DDX19A: variants seen among roughly 807,000 people sequenced by gnomAD.
The protein encoded by DDX19A is ATP-dependent RNA helicase DDX19A.
A neutral mutation model predicts 60.6 loss-of-function variants in DDX19A; 12 were observed. That is an observed-to-expected ratio of 0.20 (90% CI 0.13 to 0.32). DDX19A has a LOEUF of 0.32. Ranked by LOEUF, DDX19A falls within the 10% of genes least tolerant of loss-of-function variation. DDX19A has a pLI of 1.00. For synonymous variants in DDX19A, 206 were observed against 218.2 expected (o/e 0.94, Z 0.49); for missense variants, 337 against 600.6 (o/e 0.56, Z 4.59).
intron 5 of DDX19A, among the ~76,000 whole-genome samples, chr16:70,362,340 CAAAAA>C (rs566741768): frequency 2.2e-5 from 1 of 46,398 alleles, no homozygotes; most frequent in African/African-American, 7.5e-5. Flanking sequence ...GACTCTGTCT[CAAAAA>C]AAAAAAAAAA....
At chr16:70,365,948 C>A in intron 7 of DDX19A, 137 bp from the exon 8 acceptor site, 2 of 1,338,464 alleles carry the variant, frequency 1.5e-6, no homozygotes, top group South Asian at 2.6e-5. Context: ...GAGACCAAGA[C>A]TGAGGGGAAC....
intron 3 of DDX19A, chr16:70,355,790 C>T (rs1964167506): frequency 1.7e-6 from 1 of 576,106 alleles, no homozygotes; most frequent in African/African-American, 1.9e-5. Context: ...ACTGAGACCC[C>T]ATCTCTACAA....
chr16:70,365,808 G>C, intron 7 of DDX19A: 1 of 512,978 alleles, frequency 1.9e-6, no homozygotes, highest in South Asian at 2.1e-5. Flanking sequence ...AACATAAAAA[G>C]AGTTGGATGA....
intron 5 of DDX19A, among the ~76,000 whole-genome samples, chr16:70,362,109 AG>A (rs1392485540): frequency 1.3e-5 from 2 of 150,434 alleles, no homozygotes; most frequent in Non-Finnish European, 3.0e-5. Flanking sequence ...CGGGAGGCAG[AG>A]GTTGCAGTGA....
At position 70,362,736 on chromosome 16, in the gene DDX19A, C is replaced by A. The variant is rs543186564; in HGVS notation, c.386+1226C>A. ...GGGACTATAGGCATGTGCCACCATG[C>A]CCAGCTGACTTTAAAAAAACTTTTT... is the stretch of plus-strand genomic sequence containing the variant. On this transcript the variant is annotated intron_variant, in intron 5 of 11. Coordinates refer to ENST00000302243, the MANE Select transcript of DDX19A (RefSeq NM_018332.5). 2.8e-4 allele frequency among the ~76,000 whole-genome samples: 43 copies of A among 152,178 alleles called. 1 individual carries two copies. In the South Asian group the frequency reaches 8.7e-3, roughly 31 times the overall value.
chr16:70,347,107 A>C, intron 1 of DDX19A, 59 bp downstream of exon 1: 1 of 1,541,978 alleles, frequency 6.5e-7, no homozygotes, highest in Non-Finnish European at 8.8e-7. Context: ...AAACCTCCCA[A>C]AAGCACAGGG....
chr16:70,354,840 T>G (rs1964133092), intron 2 of DDX19A, among the ~76,000 whole-genome samples: 1 of 152,006 alleles, frequency 6.6e-6, no homozygotes, highest in Admixed American at 6.6e-5. Context: ...TGCTAGCTAC[T>G]CAGGAGGTTA....
intron 2 of DDX19A, among the ~76,000 whole-genome samples, chr16:70,352,261 A>G (rs893498559): frequency 5.9e-5 from 9 of 151,612 alleles, no homozygotes; most frequent in South Asian, 2.1e-4. Context: ...TTCCATATCA[A>G]TACATGCAGT....
intron 4 of DDX19A, chr16:70,360,809 TGG>T: frequency 6.5e-6 from 1 of 152,934 alleles, no homozygotes; most frequent in Non-Finnish European, 1.5e-5. Flanking sequence ...TGGAGTGCAG[TGG>T]CTCAGTCACA....
At chr16:70,364,273 T>C (rs369950995) in intron 5 of DDX19A, 90 of 371,862 alleles carry the variant, frequency 2.4e-4, no homozygotes, top group African/African-American at 1.6e-3. Context: ...CCCCTTGGGG[T>C]GCAAAACTGG....
chr16:70,366,189 G>A lies in DDX19A; in HGVS notation c.709G>A (p.Val237Met), dbSNP rs138660103. ...LKFIDPKKIK[V>M]FVLDEADVMI... ...GTTCATTGATCCCAAGAAAATCAAGGTGTTTGTTCTGGATGAGGCTGATGT... is the reference window on the plus strand; with the variant it reads ...GTTCATTGATCCCAAGAAAATCAAGATGTTTGTTCTGGATGAGGCTGATGT... The change falls in exon 8 of 12, where the codon GTG becomes ATG. Residue 237 changes from valine to methionine, a missense_variant. Val to Met is a conservative substitution (Grantham distance 21). Around this residue, in one of 6 missense-constraint regions of DDX19A, gnomAD observed 117 missense variants for 274.3 expected, o/e 0.43. Transcript: ENST00000302243. 4 of 1,614,112 alleles carry A rather than the reference G, an allele frequency of 2.5e-6. No individual in the cohort carries two copies. The highest frequency in any genetic ancestry group is 3.4e-6 in the Non-Finnish European group (4 of 1,180,026).
chr16:70,370,527 ACT>A (rs1964652997), intron 10 of DDX19A, 142 bp downstream of exon 10: 1 of 1,299,862 alleles, frequency 7.7e-7, no homozygotes, highest in Admixed American at 3.0e-5. Flanking sequence ...TCTAGGAGAG[ACT>A]GTTTGGATTT....
In DDX19A at chr16:70,362,451, A is replaced by C. The variant is rs748799852; in HGVS notation, c.386+941A>C. Among the ~76,000 whole-genome samples, 38 of 152,154 alleles carry C rather than the reference A, an allele frequency of 2.5e-4. 1 individual carries two copies. The highest frequency in any genetic ancestry group is 1.1e-3 in the Admixed American group (17 of 15,256). Reference sequence around the variant, plus strand: ...TATTATTTGGAAATTTTTGAGACCTACACAAAGGTGTAAAGAACAATACCA... The same window carrying C: ...TATTATTTGGAAATTTTTGAGACCTCCACAAAGGTGTAAAGAACAATACCA... On this transcript the variant is annotated intron_variant, in intron 5 of 11. Coordinates refer to ENST00000302243, the MANE Select transcript of DDX19A (RefSeq NM_018332.5).
At chr16:70,348,626 CAA>C (rs1244983371) in intron 1 of DDX19A, among the ~76,000 whole-genome samples, 154 of 34,862 alleles carry the variant, frequency 4.4e-3, no homozygotes, top group South Asian at 7.5e-3. Flanking sequence ...GACTCTGTCT[CAA>C]AAAAAAAAAA....
At chr16:70,347,074 A>T (rs1276773940) in intron 1 of DDX19A, 26 bp downstream of exon 1, 2 of 1,602,144 alleles carry the variant, frequency 1.2e-6, no homozygotes, top group Non-Finnish European at 1.7e-6. Context: ...CCTGGCGAGG[A>T]GGACGTAGCA....
chr16:70,371,274 T>G (rs1453122290), intron 10 of DDX19A, 98 bp from the exon 11 acceptor site: 2 of 1,607,914 alleles, frequency 1.2e-6, no homozygotes, highest in African/African-American at 1.3e-5. Flanking sequence ...ATTCTTTCCC[T>G]CTATCCCAAA....
intron 3 of DDX19A, 175 bp downstream of exon 3, chr16:70,355,710 C>T: frequency 1.6e-6 from 1 of 624,870 alleles, no homozygotes; most frequent in South Asian, 1.9e-5. Flanking sequence ...ACCTGTAATC[C>T]CAGCACTTTG....
At chr16:70,355,622 C>A in intron 3 of DDX19A, 87 bp downstream of exon 3, 1 of 1,051,148 alleles carries the variant, frequency 9.5e-7, no homozygotes, top group South Asian at 1.3e-5. Flanking sequence ...GCTACAAGAT[C>A]CAGGAGATGA....
chr16:70,366,564 C>G, intron 8 of DDX19A, 60 bp from the exon 9 acceptor site: 2 of 1,604,344 alleles, frequency 1.2e-6, no homozygotes, highest in Non-Finnish European at 1.7e-6. Context: ...GCTGGGGAGG[C>G]TGTGCTTCCG....
Sources: gnomAD v4.1 joint callset for allele counts (sites outside exome capture counted in the v4.1 genomes callset) on GRCh38, gnomAD v4.1.1 for gene constraint, gnomAD v4.1.1 regional missense constraint, MANE v1.5 for transcripts, NCBI Gene and HGNC (gene_info 2026-07-23, HGNC 2026-07-21) for gene names.